GPC5: variants seen among roughly 807,000 people sequenced by gnomAD.
GPC5 encodes the protein glypican-5.
GPC5 carries 47 observed loss-of-function variants against 53.9 expected under a neutral mutation model. The ratio of observed to expected loss-of-function variants is 0.87; its 90% CI spans 0.69 to 1.11. The LOEUF is 1.11. GPC5 is among the 50% of genes most tolerant of loss of function. The pLI, the probability that GPC5 is intolerant of heterozygous loss-of-function variation, is 0.00. For synonymous variants in GPC5, 286 were observed against 263.3 expected, an observed-to-expected ratio of 1.09 and a Z score of -0.84; for missense variants, 748 against 713.1, an observed-to-expected ratio of 1.05 and a Z score of -0.56.
chr13:91,434,584 A>G (rs1452896643), intron 1 of GPC5, among the ~76,000 whole-genome samples: 2 of 152,166 alleles, frequency 1.3e-5, no homozygotes, highest in Non-Finnish European at 1.5e-5. Flanking sequence ...TACCAGTACC[A>G]TGCTGTTTTG....
intron 7 of GPC5, among the ~76,000 whole-genome samples, chr13:92,337,037 C>CT (rs1315778249): frequency 6.6e-6 from 1 of 152,130 alleles, no homozygotes; most frequent in Non-Finnish European, 1.5e-5. Context: ...TTATCTCCCA[C>CT]TGGGTCCTTC....
chr13:91,555,726 C>A (rs2030909826), intron 2 of GPC5, among the ~76,000 whole-genome samples: 1 of 151,938 alleles, frequency 6.6e-6, no homozygotes, highest in Admixed American at 6.6e-5. Context: ...CTGGGGAGGC[C>A]TCACAATCAT....
chr13:92,849,499 G>A (rs1259237740), intron 7 of GPC5, among the ~76,000 whole-genome samples: 1 of 152,168 alleles, frequency 6.6e-6, no homozygotes, highest in Non-Finnish European at 1.5e-5. Flanking sequence ...AGGATTAGCT[G>A]TTTAATATTC....
At chr13:92,524,411 GA>G (rs1169487282) in intron 7 of GPC5, among the ~76,000 whole-genome samples, 9 of 151,966 alleles carry the variant, frequency 5.9e-5, no homozygotes, top group South Asian at 4.1e-4. Context: ...TAATGGTAAG[GA>G]AAAAAAGTCT....
intron 2 of GPC5, among the ~76,000 whole-genome samples, chr13:91,570,789 G>A (rs2031746585): frequency 6.6e-6 from 1 of 152,064 alleles, no homozygotes; most frequent in Non-Finnish European, 1.5e-5. Flanking sequence ...TAATTGTTTT[G>A]CTTCTAATTT....
intron 5 of GPC5, among the ~76,000 whole-genome samples, chr13:91,864,897 C>G: frequency 6.7e-6 from 1 of 148,460 alleles, no homozygotes; most frequent in Non-Finnish European, 1.5e-5. Flanking sequence ...TCTTAATTTT[C>G]TTTCTTTTTT....
chr13:91,749,999 G>A (rs894611348), intron 4 of GPC5, among the ~76,000 whole-genome samples: 3 of 152,088 alleles, frequency 2.0e-5, no homozygotes, highest in African/African-American at 7.2e-5. Context: ...TAGTAGAAAC[G>A]GGGTTTAGCC....
At chr13:92,154,711 A>G (rs1006596314) in intron 7 of GPC5, among the ~76,000 whole-genome samples, 2 of 152,172 alleles carry the variant, frequency 1.3e-5, no homozygotes, top group African/African-American at 4.8e-5. Flanking sequence ...TGGTATACTT[A>G]GATGTACTAA....
At chr13:92,547,436 GC>G (rs1882158210) in intron 7 of GPC5, among the ~76,000 whole-genome samples, 1 of 152,092 alleles carries the variant, frequency 6.6e-6, no homozygotes. Context: ...TTTATTTTCA[GC>G]TGACTTAGTC....
intron 7 of GPC5, among the ~76,000 whole-genome samples, chr13:92,754,957 A>C (rs1184542276): frequency 6.6e-6 from 1 of 151,914 alleles, no homozygotes; most frequent in Non-Finnish European, 1.5e-5. Flanking sequence ...CAGGAATTGA[A>C]CTCAGCTCTG....
At chr13:92,583,618 G>A (rs1249248485) in intron 7 of GPC5, among the ~76,000 whole-genome samples, 2 of 152,196 alleles carry the variant, frequency 1.3e-5, no homozygotes, top group South Asian at 2.1e-4. Flanking sequence ...TGTAAGGAAA[G>A]GGCCATCTTG....
At chr13:91,911,210 A>G (rs2039606776) in intron 6 of GPC5, among the ~76,000 whole-genome samples, 1 of 152,146 alleles carries the variant, frequency 6.6e-6, no homozygotes, top group Non-Finnish European at 1.5e-5. Flanking sequence ...TAAAGAGTTT[A>G]TATTTTCTCC....
chr13:92,752,762 G>A (rs978185856), intron 7 of GPC5, among the ~76,000 whole-genome samples: 11 of 152,084 alleles, frequency 7.2e-5, no homozygotes, highest in African/African-American at 1.2e-4. Context: ...ACTTCCACCC[G>A]AATACTGCAC....
chr13:91,434,725 A>G (rs139849963), intron 1 of GPC5, among the ~76,000 whole-genome samples: 339 of 152,268 alleles, frequency 2.2e-3, no homozygotes, highest in African/African-American at 7.8e-3. Flanking sequence ...TCTGTGAAGA[A>G]AGTCATTGGT....
chr13:92,018,108 C>T (rs2040724984), intron 6 of GPC5, among the ~76,000 whole-genome samples: 1 of 152,082 alleles, frequency 6.6e-6, no homozygotes, highest in African/African-American at 2.4e-5. Flanking sequence ...AGCAAATTCT[C>T]AGAATTGCCA....
intron 7 of GPC5, among the ~76,000 whole-genome samples, chr13:92,849,533 G>A (rs575134857): frequency 2.6e-5 from 4 of 152,236 alleles, no homozygotes; most frequent in African/African-American, 9.6e-5. Context: ...GTAAAACAGA[G>A]GCAAATTTTT....
chr13:91,555,485 C>A (rs1429955240), intron 2 of GPC5, among the ~76,000 whole-genome samples: 1 of 152,050 alleles, frequency 6.6e-6, no homozygotes, highest in Admixed American at 6.6e-5. Flanking sequence ...AGAGATCCAC[C>A]ATTTCTTGGC....
chr13:92,262,528 A>G (rs553124073), intron 7 of GPC5, among the ~76,000 whole-genome samples: 1 of 152,286 alleles, frequency 6.6e-6, no homozygotes, highest in East Asian at 1.9e-4. Context: ...AAGGATCTTT[A>G]TATTTAGCAT....
At chr13:92,097,229 A>G (rs747517119) in intron 6 of GPC5, among the ~76,000 whole-genome samples, 1 of 152,196 alleles carries the variant, frequency 6.6e-6, no homozygotes, top group Non-Finnish European at 1.5e-5. Flanking sequence ...TAAATTGTAC[A>G]TTTAGCTGAA....
Sources: gnomAD v4.1 joint callset for allele counts (sites outside exome capture counted in the v4.1 genomes callset) on GRCh38, gnomAD v4.1.1 for gene constraint, MANE v1.5 for transcripts, NCBI Gene and HGNC (gene_info 2026-07-23, HGNC 2026-07-21) for gene names.